SHISA6: variants seen among roughly 807,000 people sequenced by gnomAD.
SHISA6 encodes protein shisa-6.
In SHISA6, 22 loss-of-function variants were observed where a neutral mutation model predicts 47.9. The observed-to-expected ratio is 0.46, with a 90% CI of 0.33 to 0.66. The LOEUF (loss-of-function observed/expected upper bound fraction) is 0.66, where lower values mean the gene tolerates loss of function less well. Among genes scored for constraint, SHISA6 ranks in the 30% least tolerant of loss-of-function variants. The probability of loss-of-function intolerance (pLI) is 0.02; values close to 1 mark genes in which losing one functional copy is unlikely to be tolerated. For missense variants in SHISA6, 680 were observed against 764.6 expected, an observed-to-expected ratio of 0.89 and a Z score of 1.30; for synonymous variants, 388 against 337.8, an observed-to-expected ratio of 1.15 and a Z score of -1.63.
At chr17:11,554,980 A>T (rs1009366967) in intron 4 of SHISA6, among the ~76,000 whole-genome samples, 1 of 152,032 alleles carries the variant, frequency 6.6e-6, no homozygotes, top group African/African-American at 2.4e-5. Context: ...GGCAATGAAC[A>T]ACACTCCTTT....
At position 11,491,351 on chromosome 17, in the gene SHISA6, C is replaced by A. The variant is rs566772780; in HGVS notation, c.896-60545C>A. 2.0e-5 allele frequency among the ~76,000 whole-genome samples: 3 copies of A among 152,086 alleles called. No homozygotes were observed. The East Asian group carries it at 5.8e-4, about 29-fold the overall frequency. Reference sequence around the variant, plus strand: ...GTTACCTAGGCTGTAATGCAGTGGGCGGTGGGAGGGACAATCACGGCCCAC... The same window carrying A: ...GTTACCTAGGCTGTAATGCAGTGGGAGGTGGGAGGGACAATCACGGCCCAC... On this transcript the variant is annotated intron_variant, in intron 3 of 5. Transcript: ENST00000441885.
chr17:11,466,543 G>T (rs2142317981), intron 3 of SHISA6, among the ~76,000 whole-genome samples: 1 of 152,218 alleles, frequency 6.6e-6, no homozygotes, highest in South Asian at 2.1e-4. Flanking sequence ...TGCCACCAGT[G>T]GGTGTGCCCC....
chr17:11,425,692 A>G (rs1567602818), intron 3 of SHISA6, among the ~76,000 whole-genome samples: 1 of 152,190 alleles, frequency 6.6e-6, no homozygotes, highest in Non-Finnish European at 1.5e-5. Context: ...AATACTATCA[A>G]GAACCTCAGG....
intron 3 of SHISA6, among the ~76,000 whole-genome samples, chr17:11,460,910 A>G (rs1365214510): frequency 6.6e-6 from 1 of 152,268 alleles, no homozygotes; most frequent in African/African-American, 2.4e-5. Context: ...GCAGAATGCC[A>G]TAATGAATGG....
intron 3 of SHISA6, among the ~76,000 whole-genome samples, chr17:11,387,525 A>G (rs1913237915): frequency 6.6e-6 from 1 of 152,148 alleles, no homozygotes. Context: ...TGAGAAGGGC[A>G]TGAAGCCAGG....
Position 11,557,890 on chromosome 17 carries a change from C to T in SHISA6, c.1242C>T (p.Ile414=). The T allele has an allele frequency of 2.6e-6, 4 of 1,551,606 alleles. No individual in the cohort carries two copies. Among genetic ancestry groups the T allele is most frequent in the Non-Finnish European group, 2.6e-6 (3 of 1,147,018 alleles). ...CAAGGGAACGACCCCGCCGGCCCAT[C>T]CGGGCCATGTCCCAGGACAGGGTCC... The part of the protein sequence containing the change: ...PLPRERPRRP[I]RAMSQDRVLS... The change falls in exon 6 of 6, where the codon ATC becomes ATT. Residue 414 remains isoleucine, a synonymous_variant. Transcript: ENST00000441885.
intron 3 of SHISA6, among the ~76,000 whole-genome samples, chr17:11,396,716 G>A (rs1312255330): frequency 2.0e-5 from 3 of 152,128 alleles, no homozygotes; most frequent in Admixed American, 6.5e-5. Flanking sequence ...CACAGGGAAG[G>A]GAACATCACA....
Position 11,560,557 on chromosome 17 carries a change from G to A in SHISA6, c.*2253G>A, listed in dbSNP as rs964620173. 2 of 152,538 alleles carry A rather than the reference G, an allele frequency of 1.3e-5. No individual in the cohort carries two copies. The highest frequency in any genetic ancestry group is 2.9e-5 in the Non-Finnish European group (2 of 68,354). 9.4% of individuals were successfully genotyped at this position (152,538 alleles called of 1,614,324 possible). A position where few individuals can be genotyped will look rare whatever the true frequency, so the allele number is the denominator to read the frequency against. On this transcript the variant is annotated 3_prime_UTR_variant, in exon 6 of 6. Transcript: ENST00000441885. ...CCTTGGAAGGCAGGATGCTGGTGGTGAGGGGAAAGGACCTGAGTGGCTGAG... is the reference window on the plus strand; with the variant it reads ...CCTTGGAAGGCAGGATGCTGGTGGTAAGGGGAAAGGACCTGAGTGGCTGAG...
chr17:11,357,104 C>T (rs1182151600), intron 2 of SHISA6, among the ~76,000 whole-genome samples: 27 of 143,158 alleles, frequency 1.9e-4, no homozygotes, highest in Non-Finnish European at 7.5e-5. Flanking sequence ...AGGAGAATGG[C>T]GTGAACCCGG....
At chr17:11,475,077 G>A (rs1027469763) in intron 3 of SHISA6, among the ~76,000 whole-genome samples, 1 of 151,982 alleles carries the variant, frequency 6.6e-6, no homozygotes, top group Non-Finnish European at 1.5e-5. Context: ...TTATACCTAA[G>A]TATTTCATGT....
intron 2 of SHISA6, among the ~76,000 whole-genome samples, chr17:11,282,401 CTTT>C (rs35015959): frequency 6.7e-6 from 1 of 148,542 alleles, no homozygotes; most frequent in Non-Finnish European, 1.5e-5. Context: ...GGTATTTCTT[CTTT>C]TTTTTTTTTA....
chr17:11,311,237 G>A lies in SHISA6; in HGVS notation c.799+47711G>A, dbSNP rs565306131. 9.3e-5 allele frequency among the ~76,000 whole-genome samples: 13 copies of A among 139,658 alleles called. No homozygotes were observed. In the South Asian group the frequency reaches 2.3e-3, roughly 25 times the overall value. 91.6% of individuals were successfully genotyped at this position (139,658 alleles called of 152,430 possible). A position where few individuals can be genotyped will look rare whatever the true frequency, so the allele number is the denominator to read the frequency against. ...GCAGAGGTTGCAGTGAGCCAATATCGCACCACTGCACTCTAGCCTGGGAGG... is the reference window on the plus strand; with the variant it reads ...GCAGAGGTTGCAGTGAGCCAATATCACACCACTGCACTCTAGCCTGGGAGG... On this transcript the variant is annotated intron_variant, in intron 2 of 5. Coordinates refer to ENST00000441885, the MANE Select transcript of SHISA6 (RefSeq NM_207386.4).
At chr17:11,491,423 C>T (rs1443180218) in intron 3 of SHISA6, among the ~76,000 whole-genome samples, 1 of 152,170 alleles carries the variant, frequency 6.6e-6, no homozygotes, top group Admixed American at 6.5e-5. Flanking sequence ...GCCTCAGCTT[C>T]CCAAGTAGCT....
chr17:11,304,178 C>T (rs1275179079), intron 2 of SHISA6, among the ~76,000 whole-genome samples: 1 of 152,182 alleles, frequency 6.6e-6, no homozygotes. Flanking sequence ...GGCCCCTTTG[C>T]TCTAGGGGAG....
chr17:11,464,469 T>C (rs1412486051), intron 3 of SHISA6, among the ~76,000 whole-genome samples: 2 of 152,068 alleles, frequency 1.3e-5, no homozygotes, highest in Non-Finnish European at 2.9e-5. Context: ...TTGCACGAAG[T>C]GAAACTGGCC....
chr17:11,545,915 A>G (rs142699361), intron 3 of SHISA6, among the ~76,000 whole-genome samples: 39 of 152,286 alleles, frequency 2.6e-4, no homozygotes, highest in African/African-American at 8.2e-4. Flanking sequence ...GAAAGTCGTA[A>G]CACTTTTTGC....
At chr17:11,489,370 C>T (rs887726939) in intron 3 of SHISA6, among the ~76,000 whole-genome samples, 1 of 152,146 alleles carries the variant, frequency 6.6e-6, no homozygotes, top group Non-Finnish European at 1.5e-5. Context: ...TCTGACATGA[C>T]CTTTTCCATC....
intron 3 of SHISA6, among the ~76,000 whole-genome samples, chr17:11,428,175 A>C (rs1172585792): frequency 6.6e-6 from 1 of 152,180 alleles, no homozygotes; most frequent in African/African-American, 2.4e-5. Context: ...GAACACAGAG[A>C]GGTGAGTTAA....
chr17:11,353,327 C>A (rs868006625), intron 2 of SHISA6, among the ~76,000 whole-genome samples: 1 of 151,722 alleles, frequency 6.6e-6, no homozygotes, highest in Non-Finnish European at 1.5e-5. Context: ...TGTGGTGGTG[C>A]GCACATGTAG....
Sources: allele counts gnomAD v4.1 joint callset (sites outside exome capture counted in the v4.1 genomes callset), GRCh38; gene constraint gnomAD v4.1.1; transcripts MANE v1.5; gene names NCBI Gene and HGNC (gene_info 2026-07-23, HGNC 2026-07-21).